TMEM178B: variants seen among roughly 807,000 people sequenced by gnomAD.
TMEM178B encodes transmembrane protein 178B.
In TMEM178B, 5 loss-of-function variants were observed where a neutral mutation model predicts 31.0. The ratio of observed to expected loss-of-function variants is 0.16; its 90% CI spans 0.08 to 0.34. The LOEUF is 0.34. Among genes scored for constraint, TMEM178B ranks in the 10% least tolerant of loss-of-function variants. The pLI is 1.00. For synonymous variants in TMEM178B, 164 were observed against 164.0 expected (o/e 1.00, Z 0.00); for missense variants, 275 against 400.3 (o/e 0.69, Z 2.67).
chr7:141,307,837 A>G (rs1173187505), intron 2 of TMEM178B, among the ~76,000 whole-genome samples: 1 of 152,180 alleles, frequency 6.6e-6, no homozygotes, highest in East Asian at 1.9e-4. Context: ...TGACTCACTT[A>G]ATCGACATGT....
intron 2 of TMEM178B, among the ~76,000 whole-genome samples, chr7:141,412,380 T>C (rs1314402627): frequency 6.6e-6 from 1 of 152,130 alleles, no homozygotes; most frequent in Non-Finnish European, 1.5e-5. Flanking sequence ...CATCCAGATA[T>C]AAATTGTTCA....
intron 2 of TMEM178B, among the ~76,000 whole-genome samples, chr7:141,402,083 C>T (rs540366810): frequency 6.2e-4 from 95 of 152,276 alleles, no homozygotes; most frequent in Non-Finnish European, 1.1e-3. Flanking sequence ...AGGTACTCCA[C>T]GGTGCCAGGG....
intron 2 of TMEM178B, among the ~76,000 whole-genome samples, chr7:141,262,230 T>C (rs559663509): frequency 2.0e-4 from 30 of 152,118 alleles, no homozygotes; most frequent in Non-Finnish European, 3.4e-4. Context: ...GCTCAGCAAG[T>C]GTCCACTTTT....
chr7:141,434,452 G>A (rs1338436766), intron 2 of TMEM178B, among the ~76,000 whole-genome samples: 1 of 152,230 alleles, frequency 6.6e-6, no homozygotes, highest in Non-Finnish European at 1.5e-5. Context: ...GAAGGGTGCA[G>A]AAGATGAATG....
At chr7:141,503,882 A>G in the TMEM178B span, among the ~76,000 whole-genome samples, 1 of 152,144 alleles carries the variant, frequency 6.6e-6, no homozygotes, top group South Asian at 2.1e-4. Context: ...GATTGAAAGA[A>G]CCTCTTCATA....
At chr7:141,204,989 T>G (rs191943029) in intron 1 of TMEM178B, among the ~76,000 whole-genome samples, 14 of 152,138 alleles carry the variant, frequency 9.2e-5, no homozygotes, top group African/African-American at 2.9e-4. Context: ...CTCGGCTAAT[T>G]TTTAAAAGTT....
rs1437429507 is a variant in TMEM178B at position 141,171,043 on chromosome 7, CA to C, written c.383-41547del. Among the ~76,000 whole-genome samples, 3 of 151,456 alleles carry C rather than the reference CA, an allele frequency of 2.0e-5. No homozygotes were observed. The highest frequency in any genetic ancestry group is 7.3e-5 in the African/African-American group (3 of 41,208). ...ACACACACACACACACACACACACACACACACACACACACACACACACCCTA... is the reference window on the plus strand; with the variant it reads ...ACACACACACACACACACACACACACCACACACACACACACACACACCCTA... On this transcript the variant is annotated intron_variant, in intron 1 of 3. Transcript: ENST00000565468. The surrounding 1 kb of genome is among the most constrained non-coding windows in gnomAD (Gnocchi z 4.3).
chr7:141,422,937 A>G lies in TMEM178B; in HGVS notation c.497-14671A>G, dbSNP rs1801240719. ...AAGGTCTCACGCCTCTCTTTAGAAC[A>G]GTGCTGTCCCATGGAAATATCGTGC... On this transcript the variant is annotated intron_variant, in intron 2 of 3. Transcript: ENST00000565468. This position sits in a 1 kb window ranked among gnomAD's most constrained non-coding sequence, Gnocchi z 4.2. Among the ~76,000 whole-genome samples, 1 of 152,248 alleles carries G rather than the reference A, an allele frequency of 6.6e-6. No homozygotes were observed. Among genetic ancestry groups the G allele is most frequent in the African/African-American group, 2.4e-5 (1 of 41,464 alleles).
intron 1 of TMEM178B, among the ~76,000 whole-genome samples, chr7:141,127,166 C>G (rs1049017636): frequency 1.3e-5 from 2 of 152,152 alleles, no homozygotes; most frequent in African/African-American, 4.8e-5. Context: ...GTTCTCTTAG[C>G]CCCTTTCTCC....
Position 141,476,001 on chromosome 7 carries a change from C to T in TMEM178B, c.*5215C>T, listed in dbSNP as rs1428039272. ...ATGAGGATAAGTGATAACACCTTACCTCATGGTATATTAAGGGTGACAAAG... is the reference window on the plus strand; with the variant it reads ...ATGAGGATAAGTGATAACACCTTACTTCATGGTATATTAAGGGTGACAAAG... On this transcript the variant is annotated 3_prime_UTR_variant, in exon 4 of 4. Transcript: ENST00000565468. 2 of 152,150 alleles carry T rather than the reference C, an allele frequency of 1.3e-5. No individual in the cohort carries two copies. The highest frequency in any genetic ancestry group is 6.5e-5 in the Admixed American group (1 of 15,282). The allele number at this position is 152,150 out of a possible 1,614,324, so 9.4% of individuals were successfully genotyped here.
chr7:141,424,850 A>G (rs751063268), intron 2 of TMEM178B, among the ~76,000 whole-genome samples: 3 of 152,198 alleles, frequency 2.0e-5, no homozygotes, highest in African/African-American at 7.2e-5. Flanking sequence ...TCAAAAGAAT[A>G]CTTTTAATAG....
intron 1 of TMEM178B, among the ~76,000 whole-genome samples, chr7:141,177,801 T>C (rs1464049986): frequency 6.6e-6 from 1 of 152,214 alleles, no homozygotes; most frequent in Non-Finnish European, 1.5e-5. Flanking sequence ...TTGGTAAATA[T>C]TCCTTCATCC....
intron 1 of TMEM178B, among the ~76,000 whole-genome samples, chr7:141,174,951 A>G (rs926198684): frequency 4.6e-5 from 7 of 152,076 alleles, no homozygotes; most frequent in Admixed American, 2.6e-4. Context: ...GCTGTGCAGA[A>G]GCTCTTTAGT....
the TMEM178B span, among the ~76,000 whole-genome samples, chr7:141,490,906 T>A: frequency 6.6e-6 from 1 of 152,252 alleles, no homozygotes; most frequent in Admixed American, 6.5e-5. Context: ...TCTTTGCAGA[T>A]GAGAAAATGT....
intron 1 of TMEM178B, among the ~76,000 whole-genome samples, chr7:141,187,454 C>G (rs981050178): frequency 2.0e-5 from 3 of 152,060 alleles, no homozygotes; most frequent in African/African-American, 7.2e-5. Flanking sequence ...TGGGTATATA[C>G]CCAGTAATGG....
intron 1 of TMEM178B, among the ~76,000 whole-genome samples, chr7:141,113,245 G>A (rs112574156): frequency 3.3e-4 from 50 of 152,284 alleles, no homozygotes; most frequent in African/African-American, 1.2e-3. Flanking sequence ...TAACAGTAGA[G>A]TCCATTTTGT....
chr7:141,305,704 G>A (rs1047580445), intron 2 of TMEM178B, among the ~76,000 whole-genome samples: 1 of 151,196 alleles, frequency 6.6e-6, no homozygotes, highest in African/African-American at 2.4e-5. Context: ...GAAAGTGCTG[G>A]GATTACAGGC....
At chr7:141,223,763 A>G (rs1175249108) in intron 2 of TMEM178B, among the ~76,000 whole-genome samples, 4 of 152,150 alleles carry the variant, frequency 2.6e-5, no homozygotes, top group Admixed American at 2.0e-4. Flanking sequence ...GTCCTTTACA[A>G]TTCAACGTTC....
intron 1 of TMEM178B, among the ~76,000 whole-genome samples, chr7:141,204,470 C>A (rs1242658819): frequency 6.6e-6 from 1 of 152,154 alleles, no homozygotes. Context: ...TATCAGCTTT[C>A]CCAGGAGCGT....
Sources: allele counts gnomAD v4.1 joint callset (sites outside exome capture counted in the v4.1 genomes callset), GRCh38; gene constraint gnomAD v4.1.1; non-coding constraint Gnocchi (gnomAD v3.1); transcripts MANE v1.5; gene names NCBI Gene and HGNC (gene_info 2026-07-23, HGNC 2026-07-21).